Variants in PRKCH observed in about 807,000 individuals in gnomAD.
PRKCH encodes the protein protein kinase C eta type.
Under a neutral mutation model 82.5 loss-of-function variants are expected in PRKCH, and 28 were observed. The ratio of observed to expected loss-of-function variants is 0.34; its 90% CI spans 0.25 to 0.47. The LOEUF (loss-of-function observed/expected upper bound fraction) is 0.47. Ranked by LOEUF, PRKCH falls within the 20% of genes least tolerant of loss-of-function variation. The pLI is 1.00. For missense variants in PRKCH, 705 were observed against 881.8 expected, an observed-to-expected ratio of 0.80 and a Z score of 2.54; for synonymous variants, 322 against 327.4, an observed-to-expected ratio of 0.98 and a Z score of 0.18.
chr14:61,352,715 A>AAAGAAAGAAAGT (rs1293017388), intron 1 of PRKCH, among the ~76,000 whole-genome samples: 2 of 151,742 alleles, frequency 1.3e-5, no homozygotes, highest in African/African-American at 4.8e-5. Flanking sequence ...AGAAAGAAAG[A>AAAGAAAGAAAGT]AAGAAAGAAA....
At chr14:61,339,369 G>T (rs2045900191) in intron 1 of PRKCH, among the ~76,000 whole-genome samples, 1 of 150,752 alleles carries the variant, frequency 6.6e-6, no homozygotes, top group South Asian at 2.1e-4. Flanking sequence ...TGTCGCCCAG[G>T]CTGGAGCGCA....
intron 10 of PRKCH, among the ~76,000 whole-genome samples, chr14:61,499,177 A>G (rs542747367): frequency 6.6e-6 from 1 of 152,282 alleles, no homozygotes; most frequent in Admixed American, 6.5e-5. Flanking sequence ...AGCTGAGTAC[A>G]CTGTGGTTTT....
chr14:61,364,998 G>C (rs555983966), intron 1 of PRKCH, among the ~76,000 whole-genome samples: 1 of 152,044 alleles, frequency 6.6e-6, no homozygotes, highest in Non-Finnish European at 1.5e-5. Flanking sequence ...TAGTCTCCAA[G>C]GTAGAGCAGT....
intron 10 of PRKCH, among the ~76,000 whole-genome samples, chr14:61,504,822 T>C (rs1016886638): frequency 6.6e-6 from 1 of 152,198 alleles, no homozygotes; most frequent in African/African-American, 2.4e-5. Context: ...GATGTTAATA[T>C]ATTTACATGA....
At chr14:61,196,910 C>G (rs1362359041) in intron 1 of PRKCH, among the ~76,000 whole-genome samples, 1 of 152,120 alleles carries the variant, frequency 6.6e-6, no homozygotes, top group Admixed American at 6.5e-5. Flanking sequence ...ATCTTTCACA[C>G]CTGCAGGCTT....
In PRKCH at chr14:61,248,780, GTATGTATGTATGTA is replaced by G. The variant is rs1163105415; in HGVS notation, c.-19+61114_-19+61127del. Among the ~76,000 whole-genome samples, 23 of 118,376 alleles carry G rather than the reference GTATGTATGTATGTA, an allele frequency of 1.9e-4. No homozygotes were observed. In the South Asian group the frequency reaches 4.6e-3, roughly 24 times the overall value. 77.7% of individuals were successfully genotyped at this position (118,376 alleles called of 152,430 possible). On this transcript the variant is annotated intron_variant, in intron 1 of 3. Transcript: ENST00000555185. ...TGTATGTATGTATGTATGTATGTAT[GTATGTATGTATGTA>G]TGTATGTGTGTGTGTGTATGTATTT...
chr14:61,221,570 C>G (rs1007699153), intron 1 of PRKCH, among the ~76,000 whole-genome samples: 1 of 152,178 alleles, frequency 6.6e-6, no homozygotes, highest in African/African-American at 2.4e-5. Context: ...GTGATGCCTG[C>G]CCGAGAACCG....
chr14:61,264,956 G>A (rs1425647371), intron 1 of PRKCH, among the ~76,000 whole-genome samples: 2 of 152,186 alleles, frequency 1.3e-5, no homozygotes, highest in Non-Finnish European at 2.9e-5. Flanking sequence ...TGGGATTGAA[G>A]TAGGAAGATG....
intron 1 of PRKCH, among the ~76,000 whole-genome samples, chr14:61,385,538 G>T (rs770680337): frequency 4.6e-5 from 7 of 152,146 alleles, no homozygotes; most frequent in Non-Finnish European, 1.0e-4. Context: ...ATGTATTCTC[G>T]CTGCATTGGT....
In PRKCH at chr14:61,449,922, G is replaced by C. The variant is rs148233676; in HGVS notation, c.702+670G>C. Among the ~76,000 whole-genome samples the C allele has an allele frequency of 1.7e-3, 252 of 150,016 alleles. 2 individuals are homozygous for C. Among genetic ancestry groups the C allele is most frequent in the African/African-American group, 6.1e-3 (247 of 40,470 alleles). On this transcript the variant is annotated intron_variant, in intron 5 of 13. Transcript: ENST00000332981. ...TCTCTGTGTGTGTGTGTGTGTGTGT[G>C]TATGTGTATAAGCTTCAACATCATT...
chr14:61,431,880 G>A (rs1286126697), intron 2 of PRKCH, among the ~76,000 whole-genome samples: 1 of 152,062 alleles, frequency 6.6e-6, no homozygotes, highest in Non-Finnish European at 1.5e-5. Flanking sequence ...TATTTGCCCT[G>A]CTTTGCATCT....
chr14:61,245,495 C>T (rs1320630293), intron 1 of PRKCH, among the ~76,000 whole-genome samples: 2 of 152,208 alleles, frequency 1.3e-5, no homozygotes, highest in African/African-American at 2.4e-5. Flanking sequence ...GAAGTTATTT[C>T]GTGAGATGTG....
rs1884907256 is a variant in PRKCH at position 61,458,907 on chromosome 14, A to G, written c.1278+1228A>G. Among the ~76,000 whole-genome samples, 3 of 152,178 alleles carry G rather than the reference A, an allele frequency of 2.0e-5. No homozygotes were observed. In the South Asian group the frequency reaches 6.2e-4, roughly 32 times the overall value. On this transcript the variant is annotated intron_variant, in intron 9 of 13. Transcript: ENST00000332981. ...CCCTTCCCCAACATTAGAGATTCCAATTCAACATGAGATCTGGGTGGGGAC... is the reference window on the plus strand; with the variant it reads ...CCCTTCCCCAACATTAGAGATTCCAGTTCAACATGAGATCTGGGTGGGGAC...
chr14:61,548,839 G>A (rs1034115536), intron 13 of PRKCH, among the ~76,000 whole-genome samples: 2 of 137,894 alleles, frequency 1.5e-5, no homozygotes, highest in Non-Finnish European at 3.0e-5. Flanking sequence ...TCCAGCCTGG[G>A]CAACTGAGTT....
At chr14:61,395,290 G>GCCCCCCCCCCCCCCCTCCC (rs5809093) in intron 2 of PRKCH, among the ~76,000 whole-genome samples, 1 of 124,258 alleles carries the variant, frequency 8.0e-6, no homozygotes. Context: ...AGGAAATGGA[G>GCCCCCCCCCCCCCCCTCCC]CCCCCCCCCG....
chr14:61,202,181 C>T (rs1297441178), intron 1 of PRKCH, among the ~76,000 whole-genome samples: 1 of 152,192 alleles, frequency 6.6e-6, no homozygotes, highest in Non-Finnish European at 1.5e-5. Context: ...CCCCAGTGGT[C>T]TTGGGTTCTT....
At chr14:61,485,364 C>T (rs1196630308) in intron 9 of PRKCH, 138 bp from the exon 10 acceptor site, 8 of 1,160,552 alleles carry the variant, frequency 6.9e-6, no homozygotes, top group Non-Finnish European at 8.6e-6. Flanking sequence ...TGCACCCTGA[C>T]CCATGGTCAG....
chr14:61,361,057 C>CG (rs1237041091), intron 1 of PRKCH: 1 of 152,190 alleles, frequency 6.6e-6, no homozygotes, highest in African/African-American at 2.4e-5. Context: ...TGGGTGGCTT[C>CG]GGGAACTCAG....
rs1369037082 is a variant in PRKCH, at chr14:61,263,887, GTGTGTGTGTA to G, written c.-19+76230_-19+76239del. Among the ~76,000 whole-genome samples the G allele has an allele frequency of 2.6e-3, 365 of 140,118 alleles. 2 individuals are homozygous for G. Among genetic ancestry groups the G allele is most frequent in the African/African-American group, 9.0e-3 (340 of 37,746 alleles). 91.9% of individuals were successfully genotyped at this position (140,118 alleles called of 152,430 possible). The stretch of plus-strand genomic sequence containing the variant: ...TGTGTGTGTGTGTGTGTGTGTGTGT[GTGTGTGTGTA>G]TGTGTGTGTACGCACGTGCATGTGC... On this transcript the variant is annotated intron_variant, in intron 1 of 3. Coordinates refer to the PRKCH transcript ENST00000555185.
Sources: allele counts gnomAD v4.1 joint callset (sites outside exome capture counted in the v4.1 genomes callset), GRCh38; gene constraint gnomAD v4.1.1; transcripts MANE v1.5; gene names NCBI Gene and HGNC (gene_info 2026-07-23, HGNC 2026-07-21).